RGS6: variants seen among roughly 807,000 people sequenced by gnomAD.
The protein encoded by RGS6 is regulator of G protein signaling 6.
In RGS6, 30 loss-of-function variants were observed where a neutral mutation model predicts 78.5. The ratio of observed to expected loss-of-function variants is 0.38; its 90% CI spans 0.29 to 0.52. RGS6 has a LOEUF of 0.52. Among genes scored for constraint, RGS6 ranks in the 20% least tolerant of loss-of-function variants. The pLI is 0.85. For missense variants in RGS6, 495 were observed against 609.7 expected (o/e 0.81, Z 1.98); for synonymous variants, 206 against 206.0 (o/e 1.00, Z 0.00).
intron 2 of RGS6, among the ~76,000 whole-genome samples, chr14:72,071,637 G>T (rs1261463251): frequency 6.6e-6 from 1 of 152,108 alleles, no homozygotes; most frequent in Non-Finnish European, 1.5e-5. Context: ...GTTATAACTT[G>T]TTTTTTAAAA....
chr14:71,885,896 C>CTTCCTTCT, the RGS6 span, among the ~76,000 whole-genome samples: 19 of 150,268 alleles, frequency 1.3e-4, no homozygotes, highest in African/African-American at 4.7e-4. Flanking sequence ...TCCTTCCTTC[C>CTTCCTTCT]TTCCTTCTTT....
intron 2 of RGS6, among the ~76,000 whole-genome samples, chr14:72,098,869 C>CT (rs918193908): frequency 2.0e-5 from 3 of 152,118 alleles, no homozygotes; most frequent in Non-Finnish European, 4.4e-5. Context: ...TGCTGTACTG[C>CT]TAAGTGCGTA....
chr14:71,915,481 A>G, the RGS6 span, among the ~76,000 whole-genome samples: 1 of 152,104 alleles, frequency 6.6e-6, no homozygotes, highest in East Asian at 1.9e-4. Context: ...CGAGGCTGCA[A>G]TAGCAATTCT....
intron 3 of RGS6, among the ~76,000 whole-genome samples, chr14:72,392,578 C>T (rs181212934): frequency 1.1e-3 from 169 of 152,288 alleles, no homozygotes; most frequent in Non-Finnish European, 1.8e-3. Context: ...CACCCAGCAA[C>T]ATGAGCCACA....
At chr14:72,590,740 C>T in the RGS6 span, among the ~76,000 whole-genome samples, 1 of 152,128 alleles carries the variant, frequency 6.6e-6, no homozygotes, top group South Asian at 2.1e-4. Flanking sequence ...ATAATGAGAG[C>T]AGGAAGTCTA....
intron 15 of RGS6, among the ~76,000 whole-genome samples, chr14:72,526,294 T>A (rs1211861931): frequency 6.6e-6 from 1 of 151,080 alleles, no homozygotes; most frequent in Non-Finnish European, 1.5e-5. Context: ...TTTAGTAGAG[T>A]CGGGGTTTCA....
At chr14:72,316,419 A>C (rs946529224) in intron 2 of RGS6, among the ~76,000 whole-genome samples, 1 of 151,970 alleles carries the variant, frequency 6.6e-6, no homozygotes, top group African/African-American at 2.4e-5. Context: ...CCAGTGTGTG[A>C]TGTTCCCCAC....
At chr14:72,323,058 A>G (rs2072547183) in intron 2 of RGS6, among the ~76,000 whole-genome samples, 1 of 152,184 alleles carries the variant, frequency 6.6e-6, no homozygotes, top group Non-Finnish European at 1.5e-5. Context: ...AAGTAAACAA[A>G]AGAAAAAAAT....
intron 4 of RGS6, among the ~76,000 whole-genome samples, chr14:72,455,001 T>C (rs1168342040): frequency 1.3e-5 from 2 of 152,208 alleles, no homozygotes; most frequent in African/African-American, 4.8e-5. Context: ...AGTGAAGGAA[T>C]GATTTTTTTT....
intron 2 of RGS6, among the ~76,000 whole-genome samples, chr14:71,974,858 T>C (rs954270093): frequency 2.6e-5 from 4 of 152,230 alleles, no homozygotes; most frequent in African/African-American, 4.8e-5. Flanking sequence ...AAAATATCTT[T>C]GGGCCAGGCA....
At chr14:72,483,606 G>A (rs1019367360) in intron 12 of RGS6, among the ~76,000 whole-genome samples, 1 of 152,098 alleles carries the variant, frequency 6.6e-6, no homozygotes, top group Non-Finnish European at 1.5e-5. Flanking sequence ...TATAGTTTCA[G>A]GGGAGGAAAA....
intron 3 of RGS6, among the ~76,000 whole-genome samples, chr14:72,391,928 T>C (rs896113635): frequency 6.6e-6 from 1 of 152,248 alleles, no homozygotes; most frequent in African/African-American, 2.4e-5. Context: ...GGGAATGAAC[T>C]CATCCTTTTT....
chr14:71,944,675 A>G (rs2091216446), intron 1 of RGS6, among the ~76,000 whole-genome samples: 1 of 152,218 alleles, frequency 6.6e-6, no homozygotes, highest in Admixed American at 6.5e-5. Context: ...GGCTTCAGGA[A>G]ATAGGAATAA....
At chr14:72,130,409 A>T (rs779982044) in intron 2 of RGS6, among the ~76,000 whole-genome samples, 4 of 152,146 alleles carry the variant, frequency 2.6e-5, no homozygotes, top group Non-Finnish European at 5.9e-5. Flanking sequence ...ATTTCCCCAG[A>T]GGTCAGGGAC....
At chr14:71,961,787 C>T (rs1372177451) in intron 1 of RGS6, among the ~76,000 whole-genome samples, 4 of 151,978 alleles carry the variant, frequency 2.6e-5, no homozygotes, top group Non-Finnish European at 1.5e-5. Flanking sequence ...TATTGAAGCC[C>T]CTGGGTTGTT....
At chr14:72,132,780 C>T (rs916910123) in intron 2 of RGS6, among the ~76,000 whole-genome samples, 9 of 145,208 alleles carry the variant, frequency 6.2e-5, no homozygotes, top group Admixed American at 6.9e-5. Flanking sequence ...TTTTGTTTGT[C>T]GTTTTTTTTT....
intron 14 of RGS6, among the ~76,000 whole-genome samples, chr14:72,513,003 T>C (rs2096897316): frequency 6.6e-6 from 1 of 152,150 alleles, no homozygotes; most frequent in East Asian, 1.9e-4. Flanking sequence ...TGCCAACCTG[T>C]CATGTTGGCC....
chr14:72,191,715 A>G (rs978075535), intron 2 of RGS6, among the ~76,000 whole-genome samples: 4 of 152,222 alleles, frequency 2.6e-5, no homozygotes, highest in East Asian at 1.9e-4. Flanking sequence ...TATGGGAACT[A>G]CAGTTCAAAA....
chr14:72,009,136 C>G (rs2085169857), intron 2 of RGS6, among the ~76,000 whole-genome samples: 1 of 152,210 alleles, frequency 6.6e-6, no homozygotes, highest in Admixed American at 6.5e-5. Flanking sequence ...AGGAGGGTAG[C>G]TTGAGGCTGG....
Sources: allele counts gnomAD v4.1 joint callset (sites outside exome capture counted in the v4.1 genomes callset), GRCh38; gene constraint gnomAD v4.1.1; transcripts MANE v1.5; gene names NCBI Gene and HGNC (gene_info 2026-07-23, HGNC 2026-07-21).